Variants in FGD4 observed in about 807,000 individuals in gnomAD.
The protein encoded by FGD4 is FYVE, RhoGEF and PH domain containing 4.
FGD4 carries 42 observed loss-of-function variants against 102.0 expected under a neutral mutation model. The ratio of observed to expected loss-of-function variants is 0.41; its 90% CI spans 0.32 to 0.53. The LOEUF (loss-of-function observed/expected upper bound fraction) is 0.53. Among genes scored for constraint, FGD4 ranks in the 20% least tolerant of loss-of-function variants. The pLI is 0.21. For synonymous variants in FGD4, 380 were observed against 375.7 expected (o/e 1.01, Z -0.13); for missense variants, 902 against 1,078.2 (o/e 0.84, Z 2.29).
chr12:32,620,863 A>T (rs185593998), intron 11 of FGD4, among the ~76,000 whole-genome samples: 11 of 150,150 alleles, frequency 7.3e-5, no homozygotes, highest in Non-Finnish European at 8.9e-5. Context: ...GGGTTTCACC[A>T]TGTTGACCAG....
intron 1 of FGD4, among the ~76,000 whole-genome samples, chr12:32,418,199 G>A (rs988535161): frequency 2.6e-5 from 4 of 151,730 alleles, no homozygotes; most frequent in Admixed American, 6.6e-5. Context: ...CTCGTGATCC[G>A]CCCGCCTCTG....
At chr12:32,587,540 A>G (rs1947146957) in intron 4 of FGD4, among the ~76,000 whole-genome samples, 1 of 151,798 alleles carries the variant, frequency 6.6e-6, no homozygotes, top group African/African-American at 2.4e-5. Flanking sequence ...ACAGGCATGC[A>G]CCATCACGCC....
chr12:32,485,076 A>C (rs1011835589), intron 1 of FGD4, among the ~76,000 whole-genome samples: 1 of 152,016 alleles, frequency 6.6e-6, no homozygotes, highest in Non-Finnish European at 1.5e-5. Context: ...TAATTTTTTA[A>C]AATTTATTTT....
intron 4 of FGD4, among the ~76,000 whole-genome samples, 197 bp from the exon 5 acceptor site, chr12:32,598,300 A>T (rs935744955): frequency 6.6e-6 from 1 of 152,144 alleles, no homozygotes; most frequent in South Asian, 2.1e-4. Flanking sequence ...AGGAGAAACT[A>T]TAGTTTAAAT....
intron 4 of FGD4, among the ~76,000 whole-genome samples, chr12:32,596,973 A>C (rs1422121206): frequency 1.3e-5 from 2 of 152,118 alleles, no homozygotes; most frequent in African/African-American, 4.8e-5. Flanking sequence ...ACATGGAAGG[A>C]TATAACTTTG....
At chr12:32,587,228 G>A (rs117330163) in intron 4 of FGD4, among the ~76,000 whole-genome samples, 5,774 of 149,252 alleles carry the variant, frequency 0.039, 175 homozygotes, top group Non-Finnish European at 0.051. Context: ...GAAGCATTAC[G>A]ATTTATTGGT....
intron 1 of FGD4, among the ~76,000 whole-genome samples, chr12:32,459,040 A>G (rs548277004): frequency 1.3e-5 from 2 of 152,292 alleles, no homozygotes; most frequent in South Asian, 2.1e-4. Context: ...AAAATTATCA[A>G]CAGGAGTGAT....
chr12:32,412,045 A>G (rs1426105476), intron 1 of FGD4, among the ~76,000 whole-genome samples: 1 of 152,260 alleles, frequency 6.6e-6, no homozygotes, highest in Admixed American at 6.5e-5. Flanking sequence ...GAATCACAGA[A>G]TGATTGCCCA....
At chr12:32,529,699 C>A (rs1941605884) in intron 1 of FGD4, among the ~76,000 whole-genome samples, 1 of 151,560 alleles carries the variant, frequency 6.6e-6, no homozygotes, top group Admixed American at 6.6e-5. Context: ...AAAAATTAGC[C>A]AGACATGGTG....
chr12:32,585,101 G>A (rs1946897688), intron 4 of FGD4, among the ~76,000 whole-genome samples: 1 of 151,402 alleles, frequency 6.6e-6, no homozygotes, highest in African/African-American at 2.4e-5. Context: ...TGCACCACCA[G>A]CTACTCAGGA....
intron 14 of FGD4, among the ~76,000 whole-genome samples, chr12:32,628,846 TG>T (rs1950334517): frequency 6.6e-6 from 1 of 152,106 alleles, no homozygotes; most frequent in Admixed American, 6.6e-5. Flanking sequence ...ACCAGAGAGC[TG>T]GGCCTTTTCC....
At chr12:32,425,655 C>T (rs1941805838) in intron 1 of FGD4, among the ~76,000 whole-genome samples, 1 of 152,144 alleles carries the variant, frequency 6.6e-6, no homozygotes, top group Non-Finnish European at 1.5e-5. Flanking sequence ...GTGTAAATTA[C>T]TTCGGGCAGT....
At chr12:32,539,982 A>T (rs59023860) in intron 1 of FGD4, among the ~76,000 whole-genome samples, 2 of 152,002 alleles carry the variant, frequency 1.3e-5, no homozygotes, top group African/African-American at 2.4e-5. Context: ...TGCCCAGTAA[A>T]TTTTTTTTAA....
chr12:32,562,405 A>AT (rs956934765), intron 1 of FGD4, among the ~76,000 whole-genome samples: 67 of 152,290 alleles, frequency 4.4e-4, no homozygotes, highest in African/African-American at 1.6e-3. Flanking sequence ...GTCAGGGGAA[A>AT]TTTAACTTAT....
intron 1 of FGD4, among the ~76,000 whole-genome samples, chr12:32,420,147 A>G (rs1321873417): frequency 6.6e-6 from 1 of 152,080 alleles, no homozygotes; most frequent in Non-Finnish European, 1.5e-5. Flanking sequence ...GGCTTCTTCT[A>G]TTCCATCATC....
At position 32,582,046 on chromosome 12, in the gene FGD4, C is replaced by A. The variant is rs1946657695; in HGVS notation, c.590C>A (p.Thr197Asn). The A allele has an allele frequency of 6.2e-7, 1 of 1,614,080 alleles. No individual in the cohort carries two copies. The highest frequency in any genetic ancestry group is 1.3e-5 in the African/African-American group (1 of 74,914). ...PRTPGRHGLT[T>N]TPQQKLLSQH... ...ACCCCAGGAAGGCATGGATTGACAA[C>A]CACACCTCAACAAAAACTCCTCTCC... Residue 197 changes from threonine to asparagine, a missense_variant, in exon 4 of 17, where the codon ACC becomes AAC. Around this residue, in one of 2 missense-constraint regions of FGD4, gnomAD observed 443 missense variants for 459.2 expected, o/e 0.96. Transcript: ENST00000534526.
chr12:32,450,577 G>A (rs1057123760), intron 1 of FGD4, among the ~76,000 whole-genome samples: 2 of 152,086 alleles, frequency 1.3e-5, no homozygotes, highest in African/African-American at 4.8e-5. Context: ...TAGAATCAGC[G>A]ATTTCTCCAA....
intron 14 of FGD4, among the ~76,000 whole-genome samples, chr12:32,629,106 A>C (rs1261064675): frequency 1.3e-5 from 2 of 152,210 alleles, no homozygotes; most frequent in African/African-American, 4.8e-5. Flanking sequence ...GACTGGCAGA[A>C]AACTGAGGCT....
At chr12:32,606,093 G>C (rs1948760745) in intron 7 of FGD4, among the ~76,000 whole-genome samples, 2 of 152,190 alleles carry the variant, frequency 1.3e-5, no homozygotes, top group Non-Finnish European at 2.9e-5. Flanking sequence ...CTGAGCCACA[G>C]TTTCTTCATG....
Sources: gnomAD v4.1 joint callset for allele counts (sites outside exome capture counted in the v4.1 genomes callset) on GRCh38, gnomAD v4.1.1 for gene constraint, gnomAD v4.1.1 regional missense constraint, MANE v1.5 for transcripts, NCBI Gene and HGNC (gene_info 2026-07-23, HGNC 2026-07-21) for gene names.